The following PPP1R13B variants were observed in gnomAD, a reference collection of about 807,000 sequenced individuals.
The protein encoded by PPP1R13B is protein phosphatase 1 regulatory subunit 13B.
PPP1R13B carries 44 observed loss-of-function variants against 119.8 expected under a neutral mutation model. The ratio of observed to expected loss-of-function variants is 0.37; its 90% CI spans 0.29 to 0.47. The LOEUF is 0.47. PPP1R13B is among the 20% of genes least tolerant of loss of function. The pLI is 0.99. For synonymous variants in PPP1R13B, 542 were observed against 561.5 expected, an observed-to-expected ratio of 0.97 and a Z score of 0.49; for missense variants, 1,227 against 1,413.5, an observed-to-expected ratio of 0.87 and a Z score of 2.12.
At chr14:103,786,096 G>A (rs994770144) in intron 2 of PPP1R13B, among the ~76,000 whole-genome samples, 3 of 152,152 alleles carry the variant, frequency 2.0e-5, no homozygotes, top group African/African-American at 7.2e-5. Context: ...CTGGAGTGCA[G>A]TGGTATGATC....
intron 1 of PPP1R13B, among the ~76,000 whole-genome samples, chr14:103,830,411 T>G (rs1247981324): frequency 6.6e-6 from 1 of 152,160 alleles, no homozygotes; most frequent in Non-Finnish European, 1.5e-5. Flanking sequence ...TAGGTTCTTT[T>G]TATGTAACAA....
intron 1 of PPP1R13B, among the ~76,000 whole-genome samples, chr14:103,834,872 C>T (rs1037742212): frequency 6.6e-6 from 1 of 152,018 alleles, no homozygotes; most frequent in Non-Finnish European, 1.5e-5. Context: ...GGATTACAGG[C>T]GTGAGCCACC....
chr14:103,757,564 C>A, intron 5 of PPP1R13B, 86 bp downstream of exon 5: 1 of 1,253,146 alleles, frequency 8.0e-7, no homozygotes, highest in South Asian at 1.3e-5. Context: ...TAAGCGTTAC[C>A]CAAGAATATA....
At chr14:103,799,617 G>GTTTT (rs397762490) in intron 1 of PPP1R13B, among the ~76,000 whole-genome samples, 2 of 141,156 alleles carry the variant, frequency 1.4e-5, no homozygotes, top group African/African-American at 5.1e-5. Context: ...CGGGTTTTTT[G>GTTTT]TTTTTTTTTT....
chr14:103,748,392 G>A (rs747846146), intron 8 of PPP1R13B, among the ~76,000 whole-genome samples: 5 of 152,076 alleles, frequency 3.3e-5, no homozygotes, highest in South Asian at 2.1e-4. Context: ...TCCCTTCTAC[G>A]TCTACCACCC....
At chr14:103,818,906 T>A (rs191827794) in intron 1 of PPP1R13B, among the ~76,000 whole-genome samples, 3 of 152,120 alleles carry the variant, frequency 2.0e-5, no homozygotes, top group East Asian at 1.9e-4. Flanking sequence ...TGGAAAAAAA[T>A]TAAGCAGACA....
rs1282831313 is a variant in PPP1R13B at position 103,738,259 on chromosome 14, C to T, written c.2865-399G>A. On this transcript the variant is annotated intron_variant, in intron 14 of 16. Transcript: ENST00000202556. The surrounding 1 kb of genome is among the most constrained non-coding windows in gnomAD (Gnocchi z 5.6). ...AAATAACCCCCACAGGAGACCAACA[C>T]GCCTCGCCCAGCAGCAGAGCTCCCG... The T allele has an allele frequency of 2.5e-5, 7 of 281,162 alleles. No individual in the cohort carries two copies. The highest frequency in any genetic ancestry group is 1.9e-4 in the Admixed American group (4 of 20,566). 17.4% of individuals were successfully genotyped at this position (281,162 alleles called of 1,614,324 possible). A position where few individuals can be genotyped will look rare whatever the true frequency, so the allele number is the denominator to read the frequency against.
intron 2 of PPP1R13B, among the ~76,000 whole-genome samples, chr14:103,789,894 A>G (rs2085573605): frequency 6.6e-6 from 1 of 152,108 alleles, no homozygotes; most frequent in African/African-American, 2.4e-5. Flanking sequence ...CATGTCTGAC[A>G]GTTTTTGAAG....
chr14:103,818,199 G>T (rs925526428), intron 1 of PPP1R13B, among the ~76,000 whole-genome samples: 10 of 152,114 alleles, frequency 6.6e-5, no homozygotes, highest in Non-Finnish European at 1.2e-4. Flanking sequence ...AATTAAAAAT[G>T]AAAACTTTAA....
At position 103,742,134 on chromosome 14, in the gene PPP1R13B, C is replaced by T. The variant is rs765682809; in HGVS notation, c.1478G>A (p.Gly493Asp). 4 of 1,612,306 alleles carry T rather than the reference C, an allele frequency of 2.5e-6. No individual in the cohort carries two copies. The East Asian group carries it at 6.7e-5, about 27-fold the overall frequency. ...KEGSLPRPSA[G>D]LPSRQRPTLL... ...GGTGGGCCTCTGTCGACTTGGCAGG[C>T]CTGCACTGGGCCTGGGCAAGCTGCC... The change falls in exon 11 of 17, where the codon GGC (glycine) becomes GAC (aspartate). Residue 493 changes from glycine (G) to aspartate (D), a missense_variant. Transcript: ENST00000202556. This position sits in a 1 kb window ranked among gnomAD's most constrained non-coding sequence, Gnocchi z 4.9.
intron 4 of PPP1R13B, chr14:103,763,806 C>T (rs1169742213): frequency 1.3e-5 from 2 of 152,276 alleles, no homozygotes; most frequent in African/African-American, 2.4e-5. Flanking sequence ...CCATTAATTT[C>T]CACTCTGGGC....
At chr14:103,846,710 C>G in intron 1 of PPP1R13B, 1 of 455,962 alleles carries the variant, frequency 2.2e-6, no homozygotes, top group Non-Finnish European at 4.4e-6. Context: ...AAGACACCAC[C>G]ACTACAAACG....
At chr14:103,777,215 AC>A (rs1399701508) in intron 4 of PPP1R13B, among the ~76,000 whole-genome samples, 2 of 151,970 alleles carry the variant, frequency 1.3e-5, no homozygotes, top group South Asian at 2.1e-4. Context: ...CTGGTCTCGA[AC>A]TCCTGACCTC....
At position 103,740,393 on chromosome 14, in the gene PPP1R13B, G is replaced by C; in HGVS notation, c.2023C>G (p.Leu675Val). The C allele has an allele frequency of 1.3e-6, 2 of 1,576,868 alleles. No homozygotes were observed. Among genetic ancestry groups the C allele is most frequent in the Non-Finnish European group, 8.6e-7 (1 of 1,158,786 alleles). ...AGTGGCGAATGCACGATGGGCGTGA[G>C]CTTGGTGGGGCTGAGTGGCCGTGGC... ...SLPRPLSPTK[L>V]TPIVHSPLRY... The change falls in exon 12 of 17, where the codon CTC (leucine) becomes GTC (valine). Residue 675 changes from leucine to valine, a missense_variant. By Grantham distance (32) the Leu-to-Val change is conservative (BLOSUM62 1). Transcript: ENST00000202556. This position sits in a 1 kb window ranked among gnomAD's most constrained non-coding sequence, Gnocchi z 4.6.
At chr14:103,817,935 T>C (rs939171654) in intron 1 of PPP1R13B, among the ~76,000 whole-genome samples, 7 of 152,044 alleles carry the variant, frequency 4.6e-5, no homozygotes, top group African/African-American at 1.4e-4. Flanking sequence ...AACCCAACTA[T>C]TCAAGTTCTT....
intron 1 of PPP1R13B, among the ~76,000 whole-genome samples, chr14:103,798,989 G>GT (rs1208007219): frequency 1.7e-5 from 2 of 119,866 alleles, no homozygotes; most frequent in African/African-American, 3.3e-5. Flanking sequence ...TACACCTGGT[G>GT]TTTTTTTGTT....
chr14:103,839,920 A>G (rs2086864561), intron 1 of PPP1R13B, among the ~76,000 whole-genome samples: 1 of 152,238 alleles, frequency 6.6e-6, no homozygotes, highest in Admixed American at 6.5e-5. Context: ...ACACATCAAT[A>G]ATGCCACTAA....
chr14:103,739,298 A>C (rs1014100255), intron 12 of PPP1R13B: 9 of 439,808 alleles, frequency 2.0e-5, no homozygotes, highest in African/African-American at 1.6e-4. Flanking sequence ...CACTCCTCGG[A>C]AGACTCTGTG....
chr14:103,803,833 C>T (rs2152049986), intron 1 of PPP1R13B, among the ~76,000 whole-genome samples: 1 of 152,194 alleles, frequency 6.6e-6, no homozygotes, highest in East Asian at 1.9e-4. Flanking sequence ...AAATCCTGCC[C>T]CTTTCTGCTC....
Sources: gnomAD v4.1 joint callset for allele counts (sites outside exome capture counted in the v4.1 genomes callset) on GRCh38, gnomAD v4.1.1 for gene constraint, Gnocchi (gnomAD v3.1) non-coding constraint, MANE v1.5 for transcripts, NCBI Gene and HGNC (gene_info 2026-07-23, HGNC 2026-07-21) for gene names.